The following PTPRM variants were observed in gnomAD, a reference collection of about 807,000 sequenced individuals.
The protein encoded by PTPRM is protein tyrosine phosphatase receptor type M, also known as receptor-type tyrosine-protein phosphatase mu.
In PTPRM, 47 loss-of-function variants were observed where a neutral mutation model predicts 186.7. The observed-to-expected ratio is 0.25, with a 90% CI of 0.20 to 0.32. The LOEUF (loss-of-function observed/expected upper bound fraction) is 0.32. Among genes scored for constraint, PTPRM ranks in the 10% least tolerant of loss-of-function variants. PTPRM has a pLI of 1.00. For synonymous variants in PTPRM, 668 were observed against 674.9 expected, an observed-to-expected ratio of 0.99 and a Z score of 0.16; for missense variants, 1,494 against 1,865.0, an observed-to-expected ratio of 0.80 and a Z score of 3.66.
chr18:8,301,932 T>TGTGGCCGCCCAG (rs1181364893), intron 20 of PTPRM, among the ~76,000 whole-genome samples: 1 of 151,422 alleles, frequency 6.6e-6, no homozygotes, highest in Admixed American at 6.6e-5. Context: ...GACGGAGGAG[T>TGTGGCCGCCCAG]GTGGCCGCCC....
At chr18:7,843,838 G>C (rs2046463906) in intron 2 of PTPRM, among the ~76,000 whole-genome samples, 1 of 152,158 alleles carries the variant, frequency 6.6e-6, no homozygotes, top group African/African-American at 2.4e-5. Context: ...TGGGGCTTCA[G>C]CTAGAGGTCT....
At chr18:8,237,427 C>A (rs2094357422) in intron 14 of PTPRM, among the ~76,000 whole-genome samples, 1 of 141,010 alleles carries the variant, frequency 7.1e-6, no homozygotes, top group African/African-American at 2.7e-5. Flanking sequence ...AACTGATTCC[C>A]TCAATTTTTT....
At chr18:8,318,023 T>A (rs2095321589) in intron 21 of PTPRM, among the ~76,000 whole-genome samples, 1 of 152,208 alleles carries the variant, frequency 6.6e-6, no homozygotes, top group Non-Finnish European at 1.5e-5. Context: ...ATGTGTTTGC[T>A]TTTGTTGTTC....
chr18:7,821,212 C>T (rs1389476114), intron 2 of PTPRM, among the ~76,000 whole-genome samples: 2 of 152,160 alleles, frequency 1.3e-5, no homozygotes, highest in African/African-American at 2.4e-5. Context: ...CATGGACACT[C>T]TCCATAGTCT....
intron 17 of PTPRM, among the ~76,000 whole-genome samples, chr18:8,249,016 A>T (rs927693049): frequency 6.6e-6 from 1 of 152,226 alleles, no homozygotes; most frequent in East Asian, 1.9e-4. Flanking sequence ...TTTGAGACGC[A>T]TAAATAACCT....
intron 5 of PTPRM, among the ~76,000 whole-genome samples, chr18:7,943,448 C>A (rs1241650892): frequency 6.6e-6 from 1 of 152,148 alleles, no homozygotes; most frequent in African/African-American, 2.4e-5. Flanking sequence ...TTATGCACCT[C>A]TGACAAATCA....
intron 1 of PTPRM, among the ~76,000 whole-genome samples, chr18:7,717,226 T>G (rs1317010705): frequency 6.6e-6 from 1 of 152,070 alleles, no homozygotes; most frequent in East Asian, 1.9e-4. Context: ...TGCCTTTTCC[T>G]AAAACACCCA....
At chr18:8,263,055 A>T (rs2094651529) in intron 19 of PTPRM, among the ~76,000 whole-genome samples, 1 of 152,144 alleles carries the variant, frequency 6.6e-6, no homozygotes, top group Non-Finnish European at 1.5e-5. Context: ...AAGCATAGAT[A>T]TGTTCCATTT....
intron 1 of PTPRM, among the ~76,000 whole-genome samples, chr18:7,597,479 A>G (rs991195405): frequency 5.3e-5 from 8 of 152,164 alleles, no homozygotes; most frequent in African/African-American, 1.9e-4. Context: ...TCTCTTTGGC[A>G]TGGGAATTTA....
chr18:8,371,277 A>G (rs1416202835), intron 24 of PTPRM, among the ~76,000 whole-genome samples: 1 of 152,204 alleles, frequency 6.6e-6, no homozygotes, highest in East Asian at 1.9e-4. Flanking sequence ...CCTGGTTGAT[A>G]TTGTTCTGCC....
chr18:8,387,131 G>C lies in PTPRM; in HGVS notation c.4104G>C (p.Arg1368Ser), dbSNP rs752387436. The C allele has an allele frequency of 1.2e-6, 2 of 1,612,196 alleles. No homozygotes were observed. Among genetic ancestry groups the C allele is most frequent in the South Asian group, 2.2e-5 (2 of 91,038 alleles). Residue 1368 changes from arginine to serine, a missense_variant, in exon 31 of 33, where the codon AGG (arginine) becomes AGC (serine). Physicochemically the swap from Arg to Ser is moderately radical, Grantham distance 110 (BLOSUM62 -1). Transcript: ENST00000580170. ...QFQFLGWPMYRDTPVSKRSFL... is the reference protein window; with the variant it reads ...QFQFLGWPMYSDTPVSKRSFL... ...AGTTCCTGGGCTGGCCGATGTACAGGGACACACCAGTGTCTAAGCGCTCCT... is the reference window on the plus strand; with the variant it reads ...AGTTCCTGGGCTGGCCGATGTACAGCGACACACCAGTGTCTAAGCGCTCCT...
At position 8,088,735 on chromosome 18, in the gene PTPRM, G is replaced by A. The variant is rs768717701; in HGVS notation, c.1754-14G>A. The A allele has an allele frequency of 8.9e-6, 14 of 1,575,228 alleles. No homozygotes were observed. Among genetic ancestry groups the A allele is most frequent in the African/African-American group, 4.1e-5 (3 of 73,944 alleles). ...AGAAATAATGAGTCTCCCATTCTAC[G>A]CCTTTTTCCCCAGCACCCTCTATGC... On this transcript the variant is annotated splice_polypyrimidine_tract_variant and intron_variant, in intron 10 of 32. Coordinates refer to ENST00000580170, the MANE Select transcript of PTPRM (RefSeq NM_001105244.2).
At chr18:8,157,174 C>T (rs2093139079) in intron 14 of PTPRM, among the ~76,000 whole-genome samples, 1 of 152,186 alleles carries the variant, frequency 6.6e-6, no homozygotes, top group African/African-American at 2.4e-5. Context: ...CTCGGTGTCC[C>T]TCAGTTTCCC....
intron 19 of PTPRM, among the ~76,000 whole-genome samples, chr18:8,269,038 A>G (rs1323569598): frequency 1.3e-5 from 2 of 152,100 alleles, no homozygotes; most frequent in Admixed American, 1.3e-4. Context: ...GTTCTGTTCA[A>G]CATAGTACTA....
At chr18:8,045,830 G>A (rs2087010209) in intron 7 of PTPRM, among the ~76,000 whole-genome samples, 2 of 152,138 alleles carry the variant, frequency 1.3e-5, no homozygotes, top group Non-Finnish European at 2.9e-5. Flanking sequence ...ATTAACTATA[G>A]CTCAAAAAGA....
intron 3 of PTPRM, among the ~76,000 whole-genome samples, chr18:7,905,168 AT>A (rs2049914099): frequency 6.6e-6 from 1 of 151,924 alleles, no homozygotes; most frequent in African/African-American, 2.4e-5. Context: ...TAATTTTTGT[AT>A]TTTTAGTAGA....
chr18:8,176,033 C>T (rs1456252626), intron 14 of PTPRM, among the ~76,000 whole-genome samples: 1 of 152,106 alleles, frequency 6.6e-6, no homozygotes, highest in Non-Finnish European at 1.5e-5. Context: ...CTTTGCATTG[C>T]TAACTGAGAG....
intron 14 of PTPRM, among the ~76,000 whole-genome samples, chr18:8,206,469 C>T (rs1016462141): frequency 2.6e-4 from 39 of 152,100 alleles, no homozygotes; most frequent in Non-Finnish European, 4.9e-4. Context: ...AGAATGGTCT[C>T]GATCTCCTGA....
At chr18:7,810,115 A>G (rs2044432726) in intron 2 of PTPRM, among the ~76,000 whole-genome samples, 1 of 152,170 alleles carries the variant, frequency 6.6e-6, no homozygotes, top group African/African-American at 2.4e-5. Flanking sequence ...TACCCAGCTT[A>G]GGGATCTGCA....
Sources: allele counts gnomAD v4.1 joint callset (sites outside exome capture counted in the v4.1 genomes callset), GRCh38; gene constraint gnomAD v4.1.1; transcripts MANE v1.5; gene names NCBI Gene and HGNC (gene_info 2026-07-23, HGNC 2026-07-21).